ASB5: variants seen among roughly 807,000 people sequenced by gnomAD.
The protein encoded by ASB5 is ankyrin repeat and SOCS box protein 5.
In ASB5, 45 loss-of-function variants were observed where a neutral mutation model predicts 42.1. The observed-to-expected ratio is 1.07, with a 90% CI of 0.84 to 1.37. ASB5 has a LOEUF of 1.37. Among genes scored for constraint, ASB5 ranks in the 40% most tolerant of loss-of-function variants. The pLI is 0.00. For synonymous variants in ASB5, 147 were observed against 150.6 expected (o/e 0.98, Z 0.18); for missense variants, 402 against 399.8 (o/e 1.01, Z -0.05).
intron 1 of ASB5, among the ~76,000 whole-genome samples, chr4:176,225,546 C>G (rs1343592514): frequency 1.3e-5 from 2 of 151,858 alleles, no homozygotes; most frequent in African/African-American, 4.8e-5. Context: ...AGCCATGATG[C>G]ATGCTCTGGA....
At chr4:176,237,564 T>C in intron 1 of ASB5, 2 of 985,608 alleles carry the variant, frequency 2.0e-6, no homozygotes, top group Non-Finnish European at 2.4e-6. Context: ...ACTTGAGATG[T>C]CTTCAACATT....
At chr4:176,269,493 G>T (rs1344908429), upstream of ASB5, among the ~76,000 whole-genome samples, 2 of 152,108 alleles carry the variant, frequency 1.3e-5, no homozygotes, top group Non-Finnish European at 2.9e-5. Context: ...TAATGTAAAT[G>T]ATATTCATAT....
chr4:176,272,740 G>A (rs190367108), upstream of ASB5, among the ~76,000 whole-genome samples: 307 of 152,142 alleles, frequency 2.0e-3, 1 homozygote, highest in Non-Finnish European at 2.2e-3. Flanking sequence ...AATATAACCA[G>A]ATTAGCCTTT....
At chr4:176,233,190 A>T (rs1753594843) in intron 1 of ASB5, among the ~76,000 whole-genome samples, 1 of 152,238 alleles carries the variant, frequency 6.6e-6, no homozygotes, top group Non-Finnish European at 1.5e-5. Flanking sequence ...ATCAGCTTTT[A>T]ACTACATCTT....
chr4:176,224,512 G>A (rs10018552), intron 2 of ASB5, among the ~76,000 whole-genome samples: 77,185 of 148,882 alleles, frequency 0.52, 19,875 homozygotes, highest in East Asian at 0.56. Context: ...TGGAATTACA[G>A]GCGTGAGCCA....
At chr4:176,273,799 T>C (rs988692397), upstream of ASB5, among the ~76,000 whole-genome samples, 1 of 152,262 alleles carries the variant, frequency 6.6e-6, no homozygotes, top group African/African-American at 2.4e-5. Flanking sequence ...CTGGTAGTTC[T>C]GCATATATAA....
intron 1 of ASB5, among the ~76,000 whole-genome samples, chr4:176,243,370 C>A (rs1753848915): frequency 6.6e-6 from 1 of 151,974 alleles, no homozygotes; most frequent in Non-Finnish European, 1.5e-5. Context: ...AAATTTTTCT[C>A]CTTAAAAATT....
chr4:176,260,967 G>A (rs989095332), intron 1 of ASB5, among the ~76,000 whole-genome samples: 1 of 152,132 alleles, frequency 6.6e-6, no homozygotes, highest in East Asian at 1.9e-4. Context: ...GAGCCACCAC[G>A]TCGGCAAGAA....
At chr4:176,241,536 T>G (rs943634680) in intron 1 of ASB5, 2 of 1,529,586 alleles carry the variant, frequency 1.3e-6, no homozygotes, top group Non-Finnish European at 8.7e-7. Flanking sequence ...GAGGCTGTGC[T>G]GCTTTGGGTT....
intron 1 of ASB5, among the ~76,000 whole-genome samples, chr4:176,231,842 C>CACAAAACAAA (rs1561256968): frequency 4.3e-4 from 4 of 9,340 alleles, no homozygotes; most frequent in African/African-American, 1.4e-3. Context: ...GAGACTCTGT[C>CACAAAACAAA]TCAAAACAAA....
intron 1 of ASB5, among the ~76,000 whole-genome samples, chr4:176,233,483 C>CT (rs1753604238): frequency 6.6e-6 from 1 of 152,128 alleles, no homozygotes; most frequent in Non-Finnish European, 1.5e-5. Context: ...ATTAGCTAGT[C>CT]TTTTTTCATT....
chr4:176,262,815 A>G (rs1754288309), intron 1 of ASB5, among the ~76,000 whole-genome samples: 2 of 152,220 alleles, frequency 1.3e-5, no homozygotes, highest in South Asian at 4.1e-4. Flanking sequence ...TGATTAAAGG[A>G]AGGAAGAGAT....
chr4:176,225,357 A>G lies in ASB5; in HGVS notation c.197-16T>C, dbSNP rs1753347461. The G allele has an allele frequency of 6.2e-7, 1 of 1,603,302 alleles. No individual in the cohort carries two copies. Among genetic ancestry groups the G allele is most frequent in the Non-Finnish European group, 8.5e-7 (1 of 1,174,104 alleles). ...GCCCAGGAACCTGTCAAAAAAGAAAAAAAGAAAGAAAAGAAAACAAAAATC... is the reference window on the plus strand; with the variant it reads ...GCCCAGGAACCTGTCAAAAAAGAAAGAAAGAAAGAAAAGAAAACAAAAATC... On this transcript the variant is annotated splice_polypyrimidine_tract_variant and intron_variant, in intron 1 of 6. Transcript: ENST00000296525.
At chr4:176,220,220 T>C (rs1753164428) in intron 5 of ASB5, among the ~76,000 whole-genome samples, 1 of 152,102 alleles carries the variant, frequency 6.6e-6, no homozygotes, top group Non-Finnish European at 1.5e-5. Flanking sequence ...AATAACAATC[T>C]GTCAATGACT....
rs1414944486 is a variant in ASB5 at position 176,222,428 on chromosome 4, T to G, written c.277-8A>C. ...TGCATTTACATTATAACCCTAAATG[T>G]GGCATAATTTTGAAAGGTGAGCAAA... On this transcript the variant is annotated splice_region_variant and splice_polypyrimidine_tract_variant and intron_variant, in intron 2 of 6. Transcript: ENST00000296525. 3 of 1,604,788 alleles carry G rather than the reference T, an allele frequency of 1.9e-6. No homozygotes were observed. Among genetic ancestry groups the G allele is most frequent in the African/African-American group, 2.7e-5 (2 of 74,644 alleles).
rs1389716706 is a variant in ASB5 at position 176,221,155 on chromosome 4, C to T, written c.670G>A (p.Gly224Ser). The T allele has an allele frequency of 1.2e-6, 2 of 1,609,940 alleles. No individual in the cohort carries two copies. Among genetic ancestry groups the T allele is most frequent in the South Asian group, 2.2e-5 (2 of 90,224 alleles). The change falls in exon 5 of 7, where the codon GGT (glycine) becomes AGT (serine). Residue 224 changes from glycine (G) to serine (S), a missense_variant and splice_region_variant. Coordinates refer to ENST00000296525, the MANE Select transcript of ASB5 (RefSeq NM_080874.4). ...FHCIWKLLYA[G>S]ADVQKGKYWD... Reference sequence around the variant, plus strand: ...TGGAAGATGTTTTAAAGGAAAATACCAGCATAAAGAAGCTTCCAGATGCAA... The same window carrying T: ...TGGAAGATGTTTTAAAGGAAAATACTAGCATAAAGAAGCTTCCAGATGCAA...
chr4:176,271,494 C>G (rs916757889), upstream of ASB5, among the ~76,000 whole-genome samples: 1 of 152,080 alleles, frequency 6.6e-6, no homozygotes, highest in Non-Finnish European at 1.5e-5. Context: ...TTATAATATA[C>G]CATGTTGAGA....
chr4:176,221,044 A>C, intron 5 of ASB5, 111 bp downstream of exon 5: 2 of 1,328,720 alleles, frequency 1.5e-6, no homozygotes, highest in South Asian at 1.8e-5. Context: ...AAATGCTTAA[A>C]ATAAGAACAT....
rs774898729 is a variant in ASB5, at chr4:176,216,907, T to C, written c.773A>G (p.Asp258Gly). The C allele has an allele frequency of 2.5e-6, 4 of 1,614,116 alleles. No individual in the cohort carries two copies. In the Admixed American group the frequency reaches 6.7e-5, roughly 27 times the overall value. ...IVNLLLEFGA[D>G]INAKNTELLR... ...AAGCTCTGTATTTTTGGCATTGATA[T>C]CTGCTCCAAATTCTAGCAGTAAGTT... Residue 258 changes from aspartate (D) to glycine (G), a missense_variant, in exon 6 of 7, where the codon GAT becomes GGT. Transcript: ENST00000296525.
Sources: gnomAD v4.1 joint callset for allele counts (sites outside exome capture counted in the v4.1 genomes callset) on GRCh38, gnomAD v4.1.1 for gene constraint, MANE v1.5 for transcripts, NCBI Gene and HGNC (gene_info 2026-07-23, HGNC 2026-07-21) for gene names.